CEP135: variants seen among roughly 807,000 people sequenced by gnomAD.
The protein encoded by CEP135 is centrosomal protein 135.
In CEP135, 142 loss-of-function variants were observed where a neutral mutation model predicts 157.3. That is an observed-to-expected ratio of 0.90 (90% confidence interval 0.79 to 1.04). The LOEUF (loss-of-function observed/expected upper bound fraction) is 1.04, where lower values mean the gene tolerates loss of function less well. Ranked by LOEUF, CEP135 falls within the 50% of genes least tolerant of loss-of-function variation. The probability of loss-of-function intolerance (pLI) is 0.00; values close to 1 mark genes in which losing one functional copy is unlikely to be tolerated. For missense variants in CEP135, 1,317 were observed against 1,309.2 expected (o/e 1.01, Z -0.09); for synonymous variants, 396 against 439.8 (o/e 0.90, Z 1.25).
chr4:55,950,644 A>T (rs1728335808), intron 1 of CEP135, among the ~76,000 whole-genome samples: 5 of 152,160 alleles, frequency 3.3e-5, no homozygotes, highest in Admixed American at 3.3e-4. Flanking sequence ...TTAAAATAAA[A>T]AAAAAAAAGA....
chr4:55,978,315 G>A (rs1392791242), intron 11 of CEP135, among the ~76,000 whole-genome samples: 1 of 152,096 alleles, frequency 6.6e-6, no homozygotes, highest in Non-Finnish European at 1.5e-5. Flanking sequence ...GCACAATCAT[G>A]TACATAACCT....
At chr4:55,970,834 T>G (rs1053056978) in intron 9 of CEP135, among the ~76,000 whole-genome samples, 1 of 152,210 alleles carries the variant, frequency 6.6e-6, no homozygotes, top group Non-Finnish European at 1.5e-5. Flanking sequence ...TCCTCGCCAG[T>G]AAATCCTTAG....
intron 25 of CEP135, among the ~76,000 whole-genome samples, chr4:56,030,154 A>G (rs1438805856): frequency 6.6e-6 from 1 of 152,148 alleles, no homozygotes; most frequent in Non-Finnish European, 1.5e-5. Context: ...CCCCACTGAA[A>G]GGTATTCAGG....
chr4:55,996,988 G>T (rs545591675), intron 15 of CEP135, among the ~76,000 whole-genome samples: 1 of 152,176 alleles, frequency 6.6e-6, no homozygotes. Context: ...TAAGTGGAGA[G>T]CCAGAACTTA....
chr4:55,981,374 T>A lies in CEP135; in HGVS notation c.1774T>A (p.Leu592Ile). Reference sequence around the variant, plus strand: ...AGAAAAGGAAGCTTTAAGAGAAAAATTAGAGGTAAGAAGATTGACATGTTT... The same window carrying A: ...AGAAAAGGAAGCTTTAAGAGAAAAAATAGAGGTAAGAAGATTGACATGTTT... ...MAEKEALREKLEHIEEVSLFG... is the reference protein window; with the variant it reads ...MAEKEALREKIEHIEEVSLFG... The change falls in exon 13 of 26, where the codon TTA (leucine) becomes ATA (isoleucine). Residue 592 changes from leucine to isoleucine, a missense_variant. Coordinates refer to ENST00000257287, the MANE Select transcript of CEP135 (RefSeq NM_025009.5). 2 of 1,573,506 alleles carry A rather than the reference T, an allele frequency of 1.3e-6. No homozygotes were observed. Among genetic ancestry groups the A allele is most frequent in the Non-Finnish European group, 1.7e-6 (2 of 1,168,186 alleles).
At chr4:55,957,050 A>G (rs890025012) in intron 4 of CEP135, among the ~76,000 whole-genome samples, 173 bp from the exon 5 acceptor site, 4 of 152,314 alleles carry the variant, frequency 2.6e-5, no homozygotes, top group Non-Finnish European at 4.4e-5. Flanking sequence ...TTAGGAATGC[A>G]TTGTTTAGTT....
chr4:55,980,363 A>G lies in CEP135; in HGVS notation c.1626+68A>G, dbSNP rs1292030307. On this transcript the variant is annotated intron_variant, in intron 12 of 25. Coordinates refer to ENST00000257287, the MANE Select transcript of CEP135 (RefSeq NM_025009.5). ...CAGTTAACTATAATGGAGCCTGTAT[A>G]TATCTTTCACATTACTATAATATAT... 5.0e-6 allele frequency: 5 copies of G among 999,244 alleles called. No individual in the cohort carries two copies. In the African/African-American group the frequency reaches 5.0e-5, roughly 10 times the overall value. The allele number at this position is 999,244 out of a possible 1,614,324, so 61.9% of individuals were successfully genotyped here.
intron 17 of CEP135, among the ~76,000 whole-genome samples, chr4:56,002,189 A>G (rs969721114): frequency 6.6e-6 from 1 of 152,092 alleles, no homozygotes; most frequent in Admixed American, 6.6e-5. Flanking sequence ...TGGTCTGCAT[A>G]TAAGGCTAAT....
At chr4:55,959,915 G>C in intron 6 of CEP135, 149 bp downstream of exon 6, 1 of 709,164 alleles carries the variant, frequency 1.4e-6, no homozygotes, top group South Asian at 1.8e-5. Context: ...TTAATAGCTG[G>C]AATGGCTTAG....
At chr4:55,969,951 C>A (rs1457353751) in intron 9 of CEP135, among the ~76,000 whole-genome samples, 1 of 151,892 alleles carries the variant, frequency 6.6e-6, no homozygotes, top group Non-Finnish European at 1.5e-5. Flanking sequence ...TAGCTCCCTG[C>A]AGCCTTGAAC....
intron 17 of CEP135, among the ~76,000 whole-genome samples, chr4:56,003,021 A>G (rs562365685): frequency 6.6e-6 from 1 of 152,012 alleles, no homozygotes; most frequent in South Asian, 2.1e-4. Flanking sequence ...TGTGATTGTA[A>G]TTGTCTTTCA....
At chr4:55,964,742 ATACTAACAAAGCT>A (rs1343277993) in intron 7 of CEP135, 1 of 156,154 alleles carries the variant, frequency 6.4e-6, no homozygotes, top group Non-Finnish European at 1.4e-5. Flanking sequence ...ATACCAAAGT[ATACTAACAAAGCT>A]TATCTTTCTG....
intron 23 of CEP135, 60 bp downstream of exon 23, chr4:56,019,615 T>G: frequency 7.2e-7 from 1 of 1,383,088 alleles, no homozygotes. Flanking sequence ...GTTTTTTAAT[T>G]TTTTTGAAGT....
chr4:56,010,664 A>G (rs1157738639), intron 19 of CEP135, among the ~76,000 whole-genome samples: 1 of 152,210 alleles, frequency 6.6e-6, no homozygotes, highest in Non-Finnish European at 1.5e-5. Context: ...ACACCTGTAG[A>G]TAAATGAATG....
In CEP135 at chr4:56,008,336, G is replaced by C; in HGVS notation, c.2290G>C (p.Val764Leu). The change falls in exon 18 of 26, where the codon GTT becomes CTT. Residue 764 changes from valine (V) to leucine (L), a missense_variant. Val to Leu is a conservative substitution (Grantham distance 32). Coordinates refer to ENST00000257287, the MANE Select transcript of CEP135 (RefSeq NM_025009.5). Reference protein sequence around the residue: ...QENLANKEKAVAQMKIMISEC... With the variant: ...QENLANKEKALAQMKIMISEC... ...TTTGTAATTTCTATAGGAAAAAGCT[G>C]TTGCTCAAATGAAGATAATGATCTC... 2 of 1,608,676 alleles carry C rather than the reference G, an allele frequency of 1.2e-6. No homozygotes were observed. Among genetic ancestry groups the C allele is most frequent in the Non-Finnish European group, 1.7e-6 (2 of 1,177,604 alleles).
intron 14 of CEP135, among the ~76,000 whole-genome samples, chr4:55,989,593 G>A (rs1440151414): frequency 2.0e-5 from 3 of 152,092 alleles, no homozygotes; most frequent in Non-Finnish European, 4.4e-5. Flanking sequence ...GAAAAGATAA[G>A]CCACTGATAG....
At chr4:56,010,533 AGAAATCATT>A (rs1730545792) in intron 19 of CEP135, among the ~76,000 whole-genome samples, 1 of 152,180 alleles carries the variant, frequency 6.6e-6, no homozygotes, top group Non-Finnish European at 1.5e-5. Context: ...TCTGTATGTC[AGAAATCATT>A]GTCACCCTAC....
chr4:55,997,850 AGT>A (rs1322633544), intron 15 of CEP135, among the ~76,000 whole-genome samples: 3 of 152,218 alleles, frequency 2.0e-5, no homozygotes, highest in Non-Finnish European at 4.4e-5. Flanking sequence ...TTTTAGGAAT[AGT>A]GTGAATACGG....
At chr4:55,978,359 G>A (rs769652263) in intron 11 of CEP135, among the ~76,000 whole-genome samples, 86 of 152,080 alleles carry the variant, frequency 5.7e-4, no homozygotes, top group Non-Finnish European at 9.1e-4. Flanking sequence ...TATGAAGAAA[G>A]TACAGAAAAT....
Sources: gnomAD v4.1 joint callset for allele counts (sites outside exome capture counted in the v4.1 genomes callset) on GRCh38, gnomAD v4.1.1 for gene constraint, MANE v1.5 for transcripts, NCBI Gene and HGNC (gene_info 2026-07-23, HGNC 2026-07-21) for gene names.